BLTP3B: variants seen among roughly 807,000 people sequenced by gnomAD.
BLTP3B encodes bridge-like lipid transfer protein family member 3B, also known as UHRF1 (ICBP90) binding protein 1-like.
At chr12:100,056,622 G>A in the BLTP3B span, among the ~76,000 whole-genome samples, 26 of 151,844 alleles carry the variant, frequency 1.7e-4, 1 homozygote, top group East Asian at 4.1e-3. Flanking sequence ...CGGATCATTC[G>A]AGGTCAGGAG....
the BLTP3B span, among the ~76,000 whole-genome samples, chr12:100,120,840 A>G: frequency 6.6e-6 from 1 of 152,206 alleles, no homozygotes; most frequent in Non-Finnish European, 1.5e-5. Flanking sequence ...ACGAAGATTT[A>G]TACACGAATG....
chr12:100,085,961 A>G, the BLTP3B span, among the ~76,000 whole-genome samples: 2 of 152,112 alleles, frequency 1.3e-5, no homozygotes. Context: ...TGTTTTGGTC[A>G]CAACTAACAA....
At chr12:100,070,290 ATT>A in the BLTP3B span, 278 of 960,956 alleles carry the variant, frequency 2.9e-4, no homozygotes, top group Admixed American at 7.9e-4. Context: ...TAATTAATTA[ATT>A]TTTTTTTTTT....
At chr12:100,140,358 A>C in the BLTP3B span, among the ~76,000 whole-genome samples, 10 of 152,028 alleles carry the variant, frequency 6.6e-5, no homozygotes, top group African/African-American at 2.4e-4. Context: ...AAAAAAAAAA[A>C]ATCCTCATCA....
the BLTP3B span, chr12:100,097,582 G>T: frequency 7.0e-7 from 1 of 1,426,978 alleles, no homozygotes; most frequent in Non-Finnish European, 9.4e-7. Context: ...TAAAAACAAA[G>T]CAAATGTATA....
chr12:100,099,385 T>A, the BLTP3B span, among the ~76,000 whole-genome samples: 1 of 151,288 alleles, frequency 6.6e-6, no homozygotes, highest in Non-Finnish European at 1.5e-5. Flanking sequence ...CTCAGCACTT[T>A]GGGAGGCCAA....
At chr12:100,046,939 C>T in the BLTP3B span, among the ~76,000 whole-genome samples, 101 of 152,234 alleles carry the variant, frequency 6.6e-4, no homozygotes, top group Admixed American at 6.2e-3. Flanking sequence ...AACTGAGAGA[C>T]ACAAGCAAGA....
chr12:100,058,312 A>G, the BLTP3B span: 1 of 1,613,880 alleles, frequency 6.2e-7, no homozygotes, highest in Non-Finnish European at 8.5e-7. Flanking sequence ...ATTTCTCCTG[A>G]GCCACTTTTG....
At chr12:100,070,249 T>C in the BLTP3B span, 6 of 1,463,554 alleles carry the variant, frequency 4.1e-6, no homozygotes, top group Admixed American at 2.3e-5. Context: ...AACATGAAGA[T>C]AGGATTAAAT....
chr12:100,100,976 A>C, the BLTP3B span, among the ~76,000 whole-genome samples: 1 of 152,190 alleles, frequency 6.6e-6, no homozygotes, highest in East Asian at 1.9e-4. Flanking sequence ...TTAGAAAGCC[A>C]AAATTATAAA....
the BLTP3B span, among the ~76,000 whole-genome samples, chr12:100,093,600 G>C: frequency 6.6e-6 from 1 of 152,246 alleles, no homozygotes; most frequent in South Asian, 2.1e-4. Flanking sequence ...ATCCTAGTAA[G>C]ACTGAGGATG....
the BLTP3B span, among the ~76,000 whole-genome samples, chr12:100,053,715 A>T: frequency 6.6e-6 from 1 of 152,168 alleles, no homozygotes; most frequent in African/African-American, 2.4e-5. Context: ...GTGGGGAATG[A>T]TATCAAGGAG....
At chr12:100,077,654 T>A in the BLTP3B span, among the ~76,000 whole-genome samples, 1 of 152,222 alleles carries the variant, frequency 6.6e-6, no homozygotes, top group Non-Finnish European at 1.5e-5. Context: ...CAGAGGGGAA[T>A]CACTGAGTTA....
the BLTP3B span, among the ~76,000 whole-genome samples, chr12:100,115,085 G>A: frequency 5.3e-3 from 805 of 152,238 alleles, 10 homozygotes; most frequent in African/African-American, 0.018. Context: ...TATTTTAATC[G>A]TCTGATATGT....
chr12:100,125,656 A>C, the BLTP3B span, among the ~76,000 whole-genome samples: 1 of 152,190 alleles, frequency 6.6e-6, no homozygotes, highest in Non-Finnish European at 1.5e-5. Context: ...GGCAGGGCAG[A>C]AAATATGGGC....
chr12:100,128,609 C>A, the BLTP3B span: 1 of 1,282,734 alleles, frequency 7.8e-7, no homozygotes, highest in South Asian at 1.2e-5. Context: ...AAAAAGGTCC[C>A]TATTCCTGGT....
the BLTP3B span, among the ~76,000 whole-genome samples, chr12:100,105,513 T>C: frequency 6.6e-6 from 1 of 152,300 alleles, no homozygotes; most frequent in South Asian, 2.1e-4. Context: ...ATTGGATCCC[T>C]ATCTCTTACT....
the BLTP3B span, among the ~76,000 whole-genome samples, chr12:100,114,692 G>A: frequency 1.3e-5 from 2 of 152,154 alleles, no homozygotes; most frequent in East Asian, 1.9e-4. Flanking sequence ...AGAAAAACTT[G>A]CCCAAATCTG....
the BLTP3B span, chr12:100,142,762 G>T: frequency 7.1e-7 from 1 of 1,400,848 alleles, no homozygotes; most frequent in Non-Finnish European, 9.5e-7. Flanking sequence ...GACCGGGAGA[G>T]ACCCAAGGCC....
Sources: allele counts gnomAD v4.1 joint callset (sites outside exome capture counted in the v4.1 genomes callset), GRCh38; gene constraint gnomAD v4.1.1; transcripts MANE v1.5; gene names NCBI Gene and HGNC (gene_info 2026-07-23, HGNC 2026-07-21).